Variants in LIPE observed in about 807,000 individuals in gnomAD.
LIPE encodes hormone-sensitive lipase.
LIPE carries 66 observed loss-of-function variants against 88.5 expected under a neutral mutation model. That is an observed-to-expected ratio of 0.75 (90% CI 0.61 to 0.91). The LOEUF (loss-of-function observed/expected upper bound fraction) is 0.91, where lower values mean the gene tolerates loss of function less well. Ranked by LOEUF, LIPE falls within the 40% of genes least tolerant of loss-of-function variation. The probability of loss-of-function intolerance (pLI) is 0.00; values close to 1 mark genes in which losing one functional copy is unlikely to be tolerated. For synonymous variants in LIPE, 570 were observed against 617.5 expected (o/e 0.92, Z 1.14); for missense variants, 1,346 against 1,434.7 (o/e 0.94, Z 1.00).
rs371381700 is a variant in LIPE, at chr19:42,407,563, T to A, written c.1842+43A>T. 1 of 1,580,022 alleles carries A rather than the reference T, an allele frequency of 6.3e-7. No homozygotes were observed. Among genetic ancestry groups the A allele is most frequent in the Non-Finnish European group, 8.6e-7 (1 of 1,160,616 alleles). On this transcript the variant is annotated intron_variant, in intron 5 of 9. Coordinates refer to ENST00000244289, the MANE Select transcript of LIPE (RefSeq NM_005357.4). This position sits in a 1 kb window ranked among gnomAD's most constrained non-coding sequence, Gnocchi z 5.8. ...ATGCCAAGGTGGGGGCTGCCCACGC[T>A]CCTCGGCTCTGTCCCTGTCCCTGGC...
chr19:42,426,176 G>A, intron 1 of LIPE, 91 bp downstream of exon 1: 1 of 1,174,766 alleles, frequency 8.5e-7, no homozygotes, highest in Non-Finnish European at 1.2e-6. Context: ...GATGACCAGA[G>A]CTAACCTGAT....
At chr19:42,411,727 GCCTTCAGGCTTGTCCACTGGT>G (rs1261356357) in intron 1 of LIPE, among the ~76,000 whole-genome samples, 1 of 152,096 alleles carries the variant, frequency 6.6e-6, no homozygotes, top group African/African-American at 2.4e-5. Flanking sequence ...GGGTCCCCTG[GCCTTCAGGCTTGTCCACTGGT>G]CCTGGGTTGC....
chr19:42,402,831 G>A lies in LIPE; in HGVS notation c.2743C>T (p.Pro915Ser), dbSNP rs1447953602. Reference sequence around the variant, plus strand: ...TCAGCCTCTTCCCCTGCATCCTCAGGTGGTAATAAGAAGTTGACATCGGAG... The same window carrying A: ...TCAGCCTCTTCCCCTGCATCCTCAGATGGTAATAAGAAGTTGACATCGGAG... ...TPSDVNFLLP[P>S]EDAGEEAEAK... Residue 915 changes from proline to serine, a missense_variant, in exon 9 of 10, where the codon CCT (proline) becomes TCT (serine). Pro to Ser is a moderately conservative substitution (Grantham distance 74). Coordinates refer to ENST00000244289, the MANE Select transcript of LIPE (RefSeq NM_005357.4). 4 of 1,613,676 alleles carry A rather than the reference G, an allele frequency of 2.5e-6. No homozygotes were observed. The African/African-American group carries it at 4.0e-5, about 16-fold the overall frequency.
At chr19:42,409,400 C>CAAAAAAAAAAAAAAAAAAAAAA (rs760628566) in intron 2 of LIPE, among the ~76,000 whole-genome samples, 1 of 72,926 alleles carries the variant, frequency 1.4e-5, no homozygotes. Flanking sequence ...AAACAAAATA[C>CAAAAAAAAAAAAAAAAAAAAAA]AAAAAAAAAA....
chr19:42,422,445 G>T (rs892199221), intron 1 of LIPE, among the ~76,000 whole-genome samples: 1 of 152,152 alleles, frequency 6.6e-6, no homozygotes, highest in Non-Finnish European at 1.5e-5. Flanking sequence ...GAGTGCCCTT[G>T]GGCTCCAGTC....
rs1022032531 is a variant in LIPE at position 42,408,477 on chromosome 19, G to A, written c.1420-155C>T. On this transcript the variant is annotated intron_variant, in intron 2 of 9. Transcript: ENST00000244289. The surrounding 1 kb of genome is among the most constrained non-coding windows in gnomAD (Gnocchi z 4.3). ...TGGGCATAGCTCTCGGCTGGTTCAC[G>A]GACCTGATGTTCTCAAAGGGAAAAC... is the stretch of plus-strand genomic sequence containing the variant. 9 of 645,410 alleles carry A rather than the reference G, an allele frequency of 1.4e-5. No homozygotes were observed. Among genetic ancestry groups the A allele is most frequent in the African/African-American group, 1.3e-4 (7 of 55,220 alleles). The allele number at this position is 645,410 out of a possible 1,614,324, so 40.0% of individuals were successfully genotyped here.
rs1409528220 is a variant in LIPE at position 42,423,531 on chromosome 19, C to G, written c.883+2736G>C. The G allele has an allele frequency of 2.4e-6, 3 of 1,259,412 alleles. No individual in the cohort carries two copies. In the African/African-American group the frequency reaches 4.7e-5, roughly 20 times the overall value. 78.0% of individuals were successfully genotyped at this position (1,259,412 alleles called of 1,614,324 possible). ...CGGCGGGCTCCGTTCCCCCGGCCAACTCCATCAATTCCCCGCGGTCCTCCC... is the reference window on the plus strand; with the variant it reads ...CGGCGGGCTCCGTTCCCCCGGCCAAGTCCATCAATTCCCCGCGGTCCTCCC... On this transcript the variant is annotated intron_variant, in intron 1 of 9. Transcript: ENST00000244289.
chr19:42,411,638 T>G (rs1600128404), intron 1 of LIPE, among the ~76,000 whole-genome samples: 1 of 152,282 alleles, frequency 6.6e-6, no homozygotes, highest in South Asian at 2.1e-4. Flanking sequence ...AGTCTGGCTG[T>G]GGAACCCCCT....
chr19:42,410,545 A>C lies in LIPE; in HGVS notation c.1181T>G (p.Val394Gly). 8.7e-6 allele frequency: 14 copies of C among 1,612,668 alleles called. No homozygotes were observed. The highest frequency in any genetic ancestry group is 1.2e-5 in the Non-Finnish European group (14 of 1,179,926). Reference protein sequence around the residue: ...LAHLLHKSRYVASNRRSIFFR... With the variant: ...LAHLLHKSRYGASNRRSIFFR... ...GAAGATGCTGCGGCGGTTGGAGGCC[A>C]CATAGCGGGATTTGTGCAGGAGGTG... Residue 394 changes from valine to glycine, a missense_variant, in exon 2 of 10, where the codon GTG becomes GGG. Coordinates refer to ENST00000244289, the MANE Select transcript of LIPE (RefSeq NM_005357.4). This position sits in a 1 kb window ranked among gnomAD's most constrained non-coding sequence, Gnocchi z 6.1.
intron 8 of LIPE, among the ~76,000 whole-genome samples, chr19:42,404,412 G>A (rs939884226): frequency 2.0e-5 from 3 of 152,088 alleles, no homozygotes; most frequent in Non-Finnish European, 4.4e-5. Flanking sequence ...TGTATTTTTA[G>A]TAGGGATGGG....
chr19:42,422,399 A>G (rs2040615530), intron 1 of LIPE, among the ~76,000 whole-genome samples: 1 of 152,182 alleles, frequency 6.6e-6, no homozygotes, highest in African/African-American at 2.4e-5. Flanking sequence ...TGGGTATGCT[A>G]TACTGGTGTG....
intron 1 of LIPE, among the ~76,000 whole-genome samples, chr19:42,415,509 TAAG>T (rs2040468348): frequency 6.6e-6 from 1 of 151,824 alleles, no homozygotes; most frequent in Non-Finnish European, 1.5e-5. Context: ...ACATGAATGA[TAAG>T]AAAGTGAACC....
chr19:42,424,107 C>G, intron 1 of LIPE: 2 of 1,189,776 alleles, frequency 1.7e-6, no homozygotes, highest in South Asian at 3.1e-5. Context: ...GGGAGCCCCG[C>G]TTTCCCTCTC....
chr19:42,401,886 G>A lies in LIPE; in HGVS notation c.3157C>T (p.Pro1053Ser). Residue 1053 changes from proline (P) to serine (S), a missense_variant, in exon 10 of 10, where the codon CCT (proline) becomes TCT (serine). Physicochemically the swap from Pro to Ser is moderately conservative, Grantham distance 74 (BLOSUM62 -1). Coordinates refer to ENST00000244289, the MANE Select transcript of LIPE (RefSeq NM_005357.4). ...CCGCTCGGCCCGGCTCCGGCGGGAG[G>A]AGTGAGGACGAGGCGGATGCGCTCC... is the stretch of plus-strand genomic sequence containing the variant. Reference protein sequence around the residue: ...CVERIRLVLTPPAGAGPSGET... With the variant: ...CVERIRLVLTSPAGAGPSGET... The A allele has an allele frequency of 6.5e-7, 1 of 1,540,520 alleles. No homozygotes were observed. The highest frequency in any genetic ancestry group is 2.5e-5 in the East Asian group (1 of 40,646).
chr19:42,409,010 C>T (rs1256804974), intron 2 of LIPE, among the ~76,000 whole-genome samples: 5 of 151,894 alleles, frequency 3.3e-5, no homozygotes, highest in Admixed American at 3.3e-4. Context: ...GGGGTGGTGC[C>T]ACTGGTAGGC....
chr19:42,408,497 G>T lies in LIPE; in HGVS notation c.1420-175C>A. The stretch of plus-strand genomic sequence containing the variant: ...TTCACGGACCTGATGTTCTCAAAGG[G>T]AAAACAAATGATCAGCAGATAAGCA... On this transcript the variant is annotated intron_variant, in intron 2 of 9. Coordinates refer to ENST00000244289, the MANE Select transcript of LIPE (RefSeq NM_005357.4). The surrounding 1 kb of genome is among the most constrained non-coding windows in gnomAD (Gnocchi z 4.3). 1.6e-6 allele frequency: 1 copy of T among 607,190 alleles called. No homozygotes were observed. 37.6% of individuals were successfully genotyped at this position (607,190 alleles called of 1,614,324 possible).
Position 42,401,813 on chromosome 19 carries a change from T to C in LIPE, c.3230A>G (p.Ter1077=). The change falls in exon 10 of 10, where the codon TAA becomes TGA. Residue 1077 remains the stop codon, a stop_retained_variant. Transcript: ENST00000244289. ...GGCGCAGATGGGAACAACAGGCTTT[T>C]AGTGTCGCCCCCCGCAGCCCCCGTC... The part of the protein sequence containing the change: ...GVDGGCGGRH[*] 2 of 1,494,744 alleles carry C rather than the reference T, an allele frequency of 1.3e-6. No homozygotes were observed. The highest frequency in any genetic ancestry group is 1.8e-6 in the Non-Finnish European group (2 of 1,126,084). 92.6% of individuals were successfully genotyped at this position (1,494,744 alleles called of 1,614,324 possible).
chr19:42,405,974 T>TCACA (rs1483781593), intron 7 of LIPE, 187 bp downstream of exon 7: 49 of 481,420 alleles, frequency 1.0e-4, no homozygotes, highest in African/African-American at 1.3e-4. Context: ...TCTCTCTCTC[T>TCACA]CTCACACACA....
rs1339374753 is a variant in LIPE, at chr19:42,407,262, G to A, written c.2049C>T (p.Tyr683=). Residue 683 remains tyrosine (Y), a synonymous_variant, in exon 6 of 10, where the codon TAC becomes TAT. Coordinates refer to ENST00000244289, the MANE Select transcript of LIPE (RefSeq NM_005357.4). This position sits in a 1 kb window ranked among gnomAD's most constrained non-coding sequence, Gnocchi z 5.8. ...ELGAPIISID[Y]SLAPEAPFPR... ...GGAAGGGGGCCTCAGGGGCCAGGGA[G>A]TAGTCGATGGAGATGATGGGGGCGC... is the stretch of plus-strand genomic sequence containing the variant. The A allele has an allele frequency of 6.2e-6, 10 of 1,603,068 alleles. No individual in the cohort carries two copies. Among genetic ancestry groups the A allele is most frequent in the Non-Finnish European group, 8.5e-6 (10 of 1,175,138 alleles).
Sources: gnomAD v4.1 joint callset for allele counts (sites outside exome capture counted in the v4.1 genomes callset) on GRCh38, gnomAD v4.1.1 for gene constraint, Gnocchi (gnomAD v3.1) non-coding constraint, MANE v1.5 for transcripts, NCBI Gene and HGNC (gene_info 2026-07-23, HGNC 2026-07-21) for gene names.